Variants in KLHDC4 observed in about 807,000 individuals in gnomAD.
The protein encoded by KLHDC4 is kelch domain containing 4.
KLHDC4 carries 90 observed loss-of-function variants against 62.4 expected under a neutral mutation model. The observed-to-expected ratio is 1.44, with a 90% CI of 1.22 to 1.72. The LOEUF (loss-of-function observed/expected upper bound fraction) is 1.72, where lower values mean the gene tolerates loss of function less well. Ranked by LOEUF, KLHDC4 falls within the 40% of genes most tolerant of loss-of-function variation. The probability of loss-of-function intolerance (pLI) is 0.00; values close to 1 mark genes in which losing one functional copy is unlikely to be tolerated. For synonymous variants in KLHDC4, 386 were observed against 284.4 expected (o/e 1.36, Z -3.59); for missense variants, 1,025 against 699.7 (o/e 1.47, Z -5.25).
intron 7 of KLHDC4, among the ~76,000 whole-genome samples, chr16:87,718,222 T>C (rs1044015121): frequency 6.6e-6 from 1 of 152,132 alleles, no homozygotes; most frequent in Non-Finnish European, 1.5e-5. Flanking sequence ...TCAAGCTCTA[T>C]TAGCATACAC....
intron 2 of KLHDC4, chr16:87,757,270 C>G (rs981820948): frequency 1.3e-5 from 2 of 151,026 alleles, no homozygotes; most frequent in Non-Finnish European, 3.0e-5. Flanking sequence ...GAGATCGAGA[C>G]CATCCTAGCC....
At chr16:87,704,603 G>A (rs1018538001), downstream of KLHDC4, among the ~76,000 whole-genome samples, 2 of 151,084 alleles carry the variant, frequency 1.3e-5, no homozygotes, top group East Asian at 3.9e-4. Context: ...AGAAGGAGGC[G>A]CCTGGGGAGG....
downstream of KLHDC4, among the ~76,000 whole-genome samples, chr16:87,707,646 C>G (rs149640860): frequency 3.6e-4 from 55 of 152,236 alleles, no homozygotes; most frequent in African/African-American, 1.3e-3. Flanking sequence ...ACAGCATATT[C>G]CGGGGTTTCG....
exon 1 of KLHDC4, chr16:87,701,343 C>T (rs1270155816): frequency 3.4e-6 from 1 of 297,490 alleles, no homozygotes; most frequent in East Asian, 8.1e-5. Context: ...ACAGGTGAAG[C>T]CATACTGTGG....
downstream of KLHDC4, among the ~76,000 whole-genome samples, chr16:87,707,066 C>T (rs1273028727): frequency 6.6e-6 from 1 of 152,220 alleles, no homozygotes; most frequent in African/African-American, 2.4e-5. Flanking sequence ...ATCCTATATT[C>T]CCACTGTTCA....
exon 1 of KLHDC4, chr16:87,701,373 C>T (rs768643225): frequency 2.8e-5 from 9 of 323,582 alleles, no homozygotes; most frequent in Non-Finnish European, 4.3e-5. Context: ...GAATGCTCCT[C>T]CCAAGCTTCA....
intron 1 of KLHDC4, chr16:87,765,130 C>A (rs927636982): frequency 2.2e-6 from 1 of 456,030 alleles, no homozygotes; most frequent in Non-Finnish European, 4.4e-6. Flanking sequence ...AAACTGGCCC[C>A]GGTTAGGGAA....
chr16:87,747,343 G>C (rs1703967004), intron 5 of KLHDC4, among the ~76,000 whole-genome samples: 1 of 152,188 alleles, frequency 6.6e-6, no homozygotes, highest in African/African-American at 2.4e-5. Flanking sequence ...ATTTGCCAAA[G>C]ATAAACAAGC....
At position 87,708,086 on chromosome 16, in the gene KLHDC4, A is replaced by C; in HGVS notation, c.*2-11T>G. 3.3e-6 allele frequency: 2 copies of C among 599,288 alleles called. No homozygotes were observed. Among genetic ancestry groups the C allele is most frequent in the Non-Finnish European group, 6.3e-6 (2 of 319,384 alleles). 37.1% of individuals were successfully genotyped at this position (599,288 alleles called of 1,614,324 possible). ...CTGGCAGGGGCTCTTCTGATACGCA[A>C]GGAGGAAGGAATGAGAGAGAAACAC... On this transcript the variant is annotated splice_polypyrimidine_tract_variant and intron_variant, in intron 11 of 11. Transcript: ENST00000270583.
intron 1 of KLHDC4, chr16:87,765,447 C>G (rs1225369235): frequency 1.2e-5 from 6 of 498,722 alleles, no homozygotes; most frequent in South Asian, 7.9e-5. Flanking sequence ...TGTGCCAAAC[C>G]CCTCCCTCTT....
chr16:87,735,461 CGCT>C (rs938773325), intron 5 of KLHDC4, among the ~76,000 whole-genome samples: 1 of 152,344 alleles, frequency 6.6e-6, no homozygotes, highest in African/African-American at 2.4e-5. Context: ...GGGCGCCCCC[CGCT>C]GCCCTAACTG....
chr16:87,740,064 T>G (rs1029898605), intron 5 of KLHDC4, among the ~76,000 whole-genome samples: 1 of 152,302 alleles, frequency 6.6e-6, no homozygotes, highest in African/African-American at 2.4e-5. Context: ...CAGAGGGCAC[T>G]GGCCCAGAAA....
chr16:87,708,029 G>A lies in KLHDC4; in HGVS notation c.*48C>T, dbSNP rs1266617211. On this transcript the variant is annotated 3_prime_UTR_variant, in exon 12 of 12. Coordinates refer to ENST00000270583, the MANE Select transcript of KLHDC4 (RefSeq NM_017566.4). ...TTCACTCAACACGGCTGGGTCCTGG[G>A]CGGACGTGGGCACAGCACTTGCCAG... The A allele has an allele frequency of 1.4e-5, 7 of 509,418 alleles. No homozygotes were observed. In the East Asian group the frequency reaches 3.8e-4, roughly 27 times the overall value. 31.6% of individuals were successfully genotyped at this position (509,418 alleles called of 1,614,324 possible).
At chr16:87,710,920 G>C in intron 9 of KLHDC4, 1 of 335,592 alleles carries the variant, frequency 3.0e-6, no homozygotes, top group South Asian at 4.2e-5. Context: ...CATAACACAG[G>C]CTGGTCCACA....
At chr16:87,746,949 C>A (rs2043129558) in intron 5 of KLHDC4, among the ~76,000 whole-genome samples, 1 of 152,264 alleles carries the variant, frequency 6.6e-6, no homozygotes, top group Admixed American at 6.5e-5. Context: ...CCGCGTACGA[C>A]CGAGCCTGCA....
chr16:87,765,006 CT>C (rs2046422172), intron 1 of KLHDC4: 41 of 412,972 alleles, frequency 9.9e-5, no homozygotes, highest in South Asian at 7.0e-4. Context: ...TTCCATACCA[CT>C]TCATGGTTCA....
intron 5 of KLHDC4, among the ~76,000 whole-genome samples, chr16:87,736,761 A>G (rs2041381681): frequency 6.6e-6 from 1 of 152,200 alleles, no homozygotes; most frequent in African/African-American, 2.4e-5. Context: ...TGCCAGGCAC[A>G]GTCCTTTTAT....
At chr16:87,765,653 G>A in intron 1 of KLHDC4, 139 bp downstream of exon 1, 2 of 755,522 alleles carry the variant, frequency 2.6e-6, no homozygotes, top group Non-Finnish European at 4.1e-6. Flanking sequence ...CGGCGCCGGG[G>A]CAGTTCCTAC....
rs747508732 is a variant in KLHDC4, at chr16:87,730,620, C to A, written c.531G>T (p.Arg177=). 6.2e-7 allele frequency: 1 copy of A among 1,613,126 alleles called. No individual in the cohort carries two copies. The highest frequency in any genetic ancestry group is 8.5e-7 in the Non-Finnish European group (1 of 1,179,828). Residue 177 remains arginine (R), a synonymous_variant, in exon 6 of 12, where the codon CGG becomes CGT. Coordinates refer to ENST00000270583, the MANE Select transcript of KLHDC4 (RefSeq NM_017566.4). The stretch of plus-strand genomic sequence containing the variant: ...TCCAGGCCACCATCCGATGTCCACT[C>A]CGACCCGAAGGACCGCCTGTTGATC... ...QVKSTGGPSG[R]SGHRMVAWKR... is the part of the protein sequence containing the mutation.
Sources: allele counts gnomAD v4.1 joint callset (sites outside exome capture counted in the v4.1 genomes callset), GRCh38; gene constraint gnomAD v4.1.1; transcripts MANE v1.5; gene names NCBI Gene and HGNC (gene_info 2026-07-23, HGNC 2026-07-21).